Variants in IPMK observed in about 807,000 individuals in gnomAD.
IPMK encodes inositol polyphosphate multikinase.
A neutral mutation model predicts 45.8 loss-of-function variants in IPMK; 17 were observed. The ratio of observed to expected loss-of-function variants is 0.37; its 90% CI spans 0.25 to 0.56. The LOEUF is 0.56. Among genes scored for constraint, IPMK ranks in the 20% least tolerant of loss-of-function variants. IPMK has a pLI of 0.79. For synonymous variants in IPMK, 180 were observed against 184.3 expected, an observed-to-expected ratio of 0.98 and a Z score of 0.19; for missense variants, 399 against 498.0, an observed-to-expected ratio of 0.80 and a Z score of 1.89.
chr10:58,254,593 C>T (rs1838936878), intron 1 of IPMK, among the ~76,000 whole-genome samples: 1 of 152,194 alleles, frequency 6.6e-6, no homozygotes, highest in Non-Finnish European at 1.5e-5. Context: ...TAGTACCATA[C>T]TTCGTTGGAT....
chr10:58,261,546 A>AAT (rs1175393304), intron 1 of IPMK, among the ~76,000 whole-genome samples: 2 of 152,152 alleles, frequency 1.3e-5, no homozygotes, highest in Admixed American at 1.3e-4. Flanking sequence ...GAGAAAAAGA[A>AAT]ATAACAACCA....
At chr10:58,258,227 T>C (rs1588973542) in intron 1 of IPMK, among the ~76,000 whole-genome samples, 1 of 152,118 alleles carries the variant, frequency 6.6e-6, no homozygotes, top group South Asian at 2.1e-4. Context: ...GGAGAATTGC[T>C]TGAACCCAGG....
At chr10:58,245,556 G>C (rs913792081) in intron 1 of IPMK, among the ~76,000 whole-genome samples, 10 of 151,224 alleles carry the variant, frequency 6.6e-5, no homozygotes, top group African/African-American at 2.2e-4. Context: ...ATGCTACAGT[G>C]AGCTGAGGTC....
intron 1 of IPMK, among the ~76,000 whole-genome samples, chr10:58,252,603 TTTC>T (rs1484721138): frequency 4.2e-5 from 6 of 143,646 alleles, no homozygotes; most frequent in East Asian, 2.1e-4. Context: ...ATCCAAGAGT[TTTC>T]TTTTCTTTTT....
chr10:58,257,474 A>AAG (rs1838988763), intron 1 of IPMK, among the ~76,000 whole-genome samples: 1 of 152,138 alleles, frequency 6.6e-6, no homozygotes, highest in African/African-American at 2.4e-5. Flanking sequence ...CAGCCTGGGC[A>AAG]ACGGAGCAAG....
At chr10:58,234,196 C>T (rs1017911245) in intron 2 of IPMK, among the ~76,000 whole-genome samples, 1 of 152,166 alleles carries the variant, frequency 6.6e-6, no homozygotes, top group African/African-American at 2.4e-5. Context: ...ATATTCCATG[C>T]TCATGGACAG....
intron 4 of IPMK, among the ~76,000 whole-genome samples, chr10:58,206,118 TAAA>T (rs1838067811): frequency 6.6e-6 from 1 of 152,144 alleles, no homozygotes; most frequent in Non-Finnish European, 1.5e-5. Flanking sequence ...TATTTGGCAA[TAAA>T]AAACAAAGTA....
intron 3 of IPMK, among the ~76,000 whole-genome samples, chr10:58,220,235 A>G (rs1838311378): frequency 6.6e-6 from 1 of 151,970 alleles, no homozygotes; most frequent in Non-Finnish European, 1.5e-5. Context: ...GAGAAGAGGA[A>G]GGGTTAAGTA....
intron 4 of IPMK, among the ~76,000 whole-genome samples, chr10:58,213,513 T>A (rs1345991674): frequency 6.6e-6 from 1 of 152,200 alleles, no homozygotes; most frequent in Admixed American, 6.5e-5. Context: ...TGAAATCCCA[T>A]ATCTACTAAA....
chr10:58,206,617 A>G (rs568080206), intron 4 of IPMK, among the ~76,000 whole-genome samples: 1 of 152,266 alleles, frequency 6.6e-6, no homozygotes, highest in East Asian at 1.9e-4. Context: ...AACCCAAAGA[A>G]GAGTTTACTA....
intron 4 of IPMK, among the ~76,000 whole-genome samples, chr10:58,205,720 A>G (rs1227774697): frequency 6.6e-6 from 1 of 152,194 alleles, no homozygotes; most frequent in African/African-American, 2.4e-5. Flanking sequence ...ACTACATATT[A>G]GGTACAATGT....
chr10:58,203,440 CTGAG>C (rs1352647213), intron 4 of IPMK, among the ~76,000 whole-genome samples: 1 of 152,226 alleles, frequency 6.6e-6, no homozygotes. Flanking sequence ...CCTCAGCCTC[CTGAG>C]TATCTGGGAC....
At chr10:58,239,549 G>A (rs1420954562) in intron 1 of IPMK, among the ~76,000 whole-genome samples, 4 of 152,078 alleles carry the variant, frequency 2.6e-5, no homozygotes, top group South Asian at 2.1e-4. Flanking sequence ...TCAGCCAAGC[G>A]GTAGACAACA....
intron 4 of IPMK, among the ~76,000 whole-genome samples, chr10:58,205,247 A>G (rs1564528174): frequency 6.6e-6 from 1 of 151,840 alleles, no homozygotes; most frequent in Non-Finnish European, 1.5e-5. Context: ...AAAAATTTGG[A>G]GGCTTCGACA....
At chr10:58,257,783 C>G (rs920328317) in intron 1 of IPMK, among the ~76,000 whole-genome samples, 1 of 152,214 alleles carries the variant, frequency 6.6e-6, no homozygotes, top group East Asian at 1.9e-4. Flanking sequence ...TATTATATAT[C>G]AGACTACATA....
chr10:58,192,399 G>C lies in IPMK; in HGVS notation c.*3677C>G, dbSNP rs1837830728. ...AGTCTAAATAAATGTACCTTTGCCA[G>C]CAAGGAAAGTGAAAAATTAAGGCTT... On this transcript the variant is annotated 3_prime_UTR_variant, in exon 6 of 6. Transcript: ENST00000373935. The C allele has an allele frequency of 1.3e-5, 2 of 151,902 alleles. No individual in the cohort carries two copies. Among genetic ancestry groups the C allele is most frequent in the Non-Finnish European group, 2.9e-5 (2 of 67,884 alleles). The allele number at this position is 151,902 out of a possible 1,614,324, so 9.4% of individuals were successfully genotyped here. A position where few individuals can be genotyped will look rare whatever the true frequency, so the allele number is the denominator to read the frequency against.
At chr10:58,254,495 CA>C (rs34810643) in intron 1 of IPMK, among the ~76,000 whole-genome samples, 25 of 151,468 alleles carry the variant, frequency 1.7e-4, no homozygotes, top group Non-Finnish European at 3.4e-4. Flanking sequence ...TGAACTTCTT[CA>C]AAAAAAAATT....
At chr10:58,203,964 G>A (rs895896835) in intron 4 of IPMK, among the ~76,000 whole-genome samples, 3 of 152,338 alleles carry the variant, frequency 2.0e-5, no homozygotes, top group Non-Finnish European at 4.4e-5. Context: ...ACAGGCAAGA[G>A]CCTCTACTAG....
Position 58,196,006 on chromosome 10 carries a change from A to T in IPMK, c.*70T>A. On this transcript the variant is annotated 3_prime_UTR_variant, in exon 6 of 6. Transcript: ENST00000373935. ...AATACAAATTTTTTACATAGCATTA[A>T]AGGTGCAGATATTGACTGCCCCTCT... The T allele has an allele frequency of 7.1e-7, 1 of 1,401,680 alleles. No individual in the cohort carries two copies. Among genetic ancestry groups the T allele is most frequent in the Non-Finnish European group, 9.8e-7 (1 of 1,024,372 alleles). The allele number at this position is 1,401,680 out of a possible 1,614,324, so 86.8% of individuals were successfully genotyped here.
Sources: gnomAD v4.1 joint callset for allele counts (sites outside exome capture counted in the v4.1 genomes callset) on GRCh38, gnomAD v4.1.1 for gene constraint, MANE v1.5 for transcripts, NCBI Gene and HGNC (gene_info 2026-07-23, HGNC 2026-07-21) for gene names.